Variants in RTF1 observed in about 807,000 individuals in gnomAD.
RTF1 encodes the protein RTF1 homolog, Paf1/RNA polymerase II complex component, also known as RNA polymerase-associated protein RTF1 homolog.
Under a neutral mutation model 95.7 loss-of-function variants are expected in RTF1, and 10 were observed. The observed-to-expected ratio is 0.10, with a 90% CI of 0.06 to 0.18. The LOEUF is 0.18. Ranked by LOEUF, RTF1 falls within the 10% of genes least tolerant of loss-of-function variation. The pLI, the probability that RTF1 is intolerant of heterozygous loss-of-function variation, is 1.00. For synonymous variants in RTF1, 305 were observed against 311.8 expected, an observed-to-expected ratio of 0.98 and a Z score of 0.23; for missense variants, 458 against 875.6, an observed-to-expected ratio of 0.52 and a Z score of 6.02.
intron 1 of RTF1, among the ~76,000 whole-genome samples, chr15:41,427,145 A>ATTTTTTTT (rs1225127893): frequency 1.3e-5 from 1 of 78,146 alleles, no homozygotes; most frequent in Non-Finnish European, 2.2e-5. Context: ...TGGTCTACAA[A>ATTTTTTTT]TTTTTTTTTT....
chr15:41,426,779 ATATGTGTGTG>A (rs1298651232), intron 1 of RTF1, among the ~76,000 whole-genome samples: 223 of 77,606 alleles, frequency 2.9e-3, no homozygotes, highest in Middle Eastern at 0.014. Flanking sequence ...CGCTACATAT[ATATGTGTGTG>A]TGTGTGTGTG....
intron 6 of RTF1, 75 bp from the exon 7 acceptor site, chr15:41,470,182 T>G: frequency 4.0e-6 from 6 of 1,515,282 alleles, no homozygotes; most frequent in Middle Eastern, 1.9e-4. Flanking sequence ...CCTCTTCCAT[T>G]TCCAGTTCTT....
intron 1 of RTF1, among the ~76,000 whole-genome samples, chr15:41,419,910 A>T (rs1053846387): frequency 6.6e-6 from 1 of 152,034 alleles, no homozygotes; most frequent in African/African-American, 2.4e-5. Flanking sequence ...ACCTCCGCCC[A>T]CTGGGTTCAA....
intron 1 of RTF1, among the ~76,000 whole-genome samples, chr15:41,428,583 T>G (rs1299444760): frequency 6.6e-6 from 1 of 151,396 alleles, no homozygotes; most frequent in Non-Finnish European, 1.5e-5. Context: ...CTCCTTTTTT[T>G]TTTTTTGAAG....
chr15:41,431,809 T>C (rs965180617), intron 1 of RTF1, among the ~76,000 whole-genome samples: 2 of 152,000 alleles, frequency 1.3e-5, no homozygotes, highest in Non-Finnish European at 2.9e-5. Flanking sequence ...CATACTTTTT[T>C]TTTTTTTTTG....
intron 14 of RTF1, 50 bp from the exon 15 acceptor site, chr15:41,478,498 G>A (rs1363739749): frequency 7.3e-7 from 1 of 1,368,708 alleles, no homozygotes. Context: ...TATGGTGAAT[G>A]AGAGGAGGGG....
intron 1 of RTF1, among the ~76,000 whole-genome samples, chr15:41,432,918 A>G (rs949853115): frequency 1.3e-5 from 2 of 151,528 alleles, no homozygotes; most frequent in African/African-American, 4.9e-5. Flanking sequence ...AGCTTGGGCA[A>G]CAAGAGTGAA....
chr15:41,423,615 C>T (rs1327457180), intron 1 of RTF1, among the ~76,000 whole-genome samples: 1 of 152,068 alleles, frequency 6.6e-6, no homozygotes, highest in African/African-American at 2.4e-5. Flanking sequence ...ATGATCCACC[C>T]ACCTCGGCCT....
intron 3 of RTF1, 82 bp downstream of exon 3, chr15:41,453,130 G>A: frequency 8.3e-7 from 1 of 1,205,272 alleles, no homozygotes; most frequent in Non-Finnish European, 1.1e-6. Flanking sequence ...GGGGAGGAAG[G>A]GGGGTACTTG....
chr15:41,446,296 T>G (rs934099818), intron 2 of RTF1, among the ~76,000 whole-genome samples: 2 of 152,176 alleles, frequency 1.3e-5, no homozygotes, highest in African/African-American at 4.8e-5. Context: ...TTTGGCCAGG[T>G]GCGGTGTCTT....
intron 1 of RTF1, among the ~76,000 whole-genome samples, chr15:41,421,590 C>T (rs113158583): frequency 0.027 from 4,128 of 150,530 alleles, 78 homozygotes; most frequent in Middle Eastern, 0.082. Flanking sequence ...GTGGTCCCAC[C>T]GTTTCTCTTC....
At chr15:41,420,907 A>T (rs941471146) in intron 1 of RTF1, among the ~76,000 whole-genome samples, 6 of 152,236 alleles carry the variant, frequency 3.9e-5, no homozygotes, top group Admixed American at 3.9e-4. Flanking sequence ...TCAAGTAATT[A>T]TGATTTATGT....
In RTF1 at chr15:41,470,397, G is replaced by A; in HGVS notation, c.1025+5G>A. On this transcript the variant is annotated splice_donor_5th_base_variant and intron_variant, in intron 7 of 17. Transcript: ENST00000389629. The stretch of plus-strand genomic sequence containing the variant: ...ATCGTCTGATGAAGAAGAGGAGTAA[G>A]CTCTTGTACATTTTGGTCTAGTAGG... 1 of 1,613,858 alleles carries A rather than the reference G, an allele frequency of 6.2e-7. No individual in the cohort carries two copies. Among genetic ancestry groups the A allele is most frequent in the Non-Finnish European group, 8.5e-7 (1 of 1,179,878 alleles).
chr15:41,441,745 T>G (rs904725456), intron 2 of RTF1, among the ~76,000 whole-genome samples: 3 of 152,190 alleles, frequency 2.0e-5, no homozygotes, highest in Non-Finnish European at 4.4e-5. Context: ...AATGAGCGTT[T>G]GAGTGACTTT....
In RTF1 at chr15:41,457,737, G is replaced by A. The variant is rs1435324497; in HGVS notation, c.523G>A (p.Asp175Asn). The change falls in exon 4 of 18, where the codon GAT becomes AAT. Residue 175 changes from aspartate (D) to asparagine (N), a missense_variant. By Grantham distance (23) the Asp-to-Asn change is conservative (BLOSUM62 1). Around this residue, in one of 11 missense-constraint regions of RTF1, gnomAD observed 15 missense variants for 28.4 expected, o/e 0.53. Transcript: ENST00000389629. ...SSSDSDSSSE[D>N]EEFHDGYGED... ...TTCAGATTCAGACTCTTCCTCAGAA[G>A]ATGAAGAGTTCCATGATGGCTATGG... 6.2e-6 allele frequency: 10 copies of A among 1,614,024 alleles called. No individual in the cohort carries two copies. Among genetic ancestry groups the A allele is most frequent in the Non-Finnish European group, 8.5e-6 (10 of 1,180,044 alleles).
intron 1 of RTF1, among the ~76,000 whole-genome samples, chr15:41,419,750 G>A (rs536910484): frequency 6.4e-4 from 97 of 152,234 alleles, no homozygotes; most frequent in African/African-American, 2.1e-3. Flanking sequence ...GCTTCTTTTC[G>A]TGGTAGAGAT....
At chr15:41,433,036 A>G (rs1030244807) in intron 1 of RTF1, among the ~76,000 whole-genome samples, 5 of 152,054 alleles carry the variant, frequency 3.3e-5, no homozygotes, top group Admixed American at 2.0e-4. Flanking sequence ...GCAGATCATC[A>G]GGAGTTCGAG....
At chr15:41,435,082 C>T (rs576485939) in intron 1 of RTF1, among the ~76,000 whole-genome samples, 141 of 152,066 alleles carry the variant, frequency 9.3e-4, no homozygotes, top group African/African-American at 3.3e-3. Flanking sequence ...TGCCTGTAGC[C>T]TCCTGCCTAC....
rs1300800646 is a variant in RTF1 at position 41,457,894 on chromosome 15, G to A, written c.662+18G>A. ...AAAAGAAGGTAAGGTTGTCCTCGTC[G>A]TTGTCCCCCCCCCGCCCCCACCTTT... On this transcript the variant is annotated intron_variant, in intron 4 of 17. Transcript: ENST00000389629. 8.2e-6 allele frequency: 13 copies of A among 1,586,686 alleles called. No homozygotes were observed. Among genetic ancestry groups the A allele is most frequent in the East Asian group, 2.2e-5 (1 of 44,590 alleles).
Sources: gnomAD v4.1 joint callset for allele counts (sites outside exome capture counted in the v4.1 genomes callset) on GRCh38, gnomAD v4.1.1 for gene constraint, gnomAD v4.1.1 regional missense constraint, MANE v1.5 for transcripts, NCBI Gene and HGNC (gene_info 2026-07-23, HGNC 2026-07-21) for gene names.